Variants in SAMD4A observed in about 807,000 individuals in gnomAD.
SAMD4A encodes the protein protein Smaug homolog 1.
In SAMD4A, 33 loss-of-function variants were observed where a neutral mutation model predicts 81.3. The ratio of observed to expected loss-of-function variants is 0.41; its 90% CI spans 0.31 to 0.54. The LOEUF (loss-of-function observed/expected upper bound fraction) is 0.54. Among genes scored for constraint, SAMD4A ranks in the 20% least tolerant of loss-of-function variants. The pLI is 0.37. For synonymous variants in SAMD4A, 389 were observed against 382.1 expected (o/e 1.02, Z -0.21); for missense variants, 854 against 951.1 (o/e 0.90, Z 1.34).
At chr14:54,646,930 TC>T (rs1246817360) in intron 2 of SAMD4A, among the ~76,000 whole-genome samples, 2 of 152,188 alleles carry the variant, frequency 1.3e-5, no homozygotes, top group African/African-American at 4.8e-5. Flanking sequence ...GGTTCCACTA[TC>T]CCTGAGACAA....
chr14:54,704,121 C>A (rs1215405074), intron 3 of SAMD4A, among the ~76,000 whole-genome samples: 1 of 152,148 alleles, frequency 6.6e-6, no homozygotes, highest in East Asian at 1.9e-4. Flanking sequence ...TTAACTTGCA[C>A]ATTATGGGAA....
chr14:54,686,123 A>C (rs555303971), intron 2 of SAMD4A, among the ~76,000 whole-genome samples: 110 of 152,332 alleles, frequency 7.2e-4, no homozygotes, highest in Non-Finnish European at 1.4e-3. Flanking sequence ...TCTGCCTAGA[A>C]AGAAGGGATG....
chr14:54,710,762 C>A (rs2140802484), intron 3 of SAMD4A, among the ~76,000 whole-genome samples: 1 of 152,286 alleles, frequency 6.6e-6, no homozygotes, highest in East Asian at 1.9e-4. Context: ...CAGCTCTTAG[C>A]ATTTTGTGTC....
intron 2 of SAMD4A, among the ~76,000 whole-genome samples, chr14:54,595,934 T>C (rs931769298): frequency 1.3e-5 from 2 of 152,190 alleles, no homozygotes; most frequent in African/African-American, 2.4e-5. Flanking sequence ...GATTTGGAAA[T>C]TAGAGTTCAT....
At chr14:54,602,544 GC>G (rs1281192618) in intron 2 of SAMD4A, among the ~76,000 whole-genome samples, 1 of 152,092 alleles carries the variant, frequency 6.6e-6, no homozygotes, top group Non-Finnish European at 1.5e-5. Flanking sequence ...GACATGAGTA[GC>G]CCCATGGACA....
At chr14:54,771,046 G>A (rs189335995) in intron 9 of SAMD4A, among the ~76,000 whole-genome samples, 19 of 152,264 alleles carry the variant, frequency 1.2e-4, no homozygotes, top group African/African-American at 3.9e-4. Flanking sequence ...CTCGGTGCAT[G>A]TATAGAAGCT....
chr14:54,611,559 T>C (rs1303660172), intron 2 of SAMD4A, among the ~76,000 whole-genome samples: 1 of 152,190 alleles, frequency 6.6e-6, no homozygotes, highest in South Asian at 2.1e-4. Context: ...ACTGTTTCTA[T>C]CAAACACTGA....
chr14:54,572,337 C>T (rs933703228), intron 2 of SAMD4A, among the ~76,000 whole-genome samples: 20 of 151,896 alleles, frequency 1.3e-4, no homozygotes, highest in Admixed American at 9.2e-4. Context: ...TCCTGAGGGG[C>T]GAATAGGAGT....
intron 4 of SAMD4A, among the ~76,000 whole-genome samples, chr14:54,740,981 A>AGTGGG (rs1293190087): frequency 6.6e-5 from 10 of 152,258 alleles, no homozygotes; most frequent in African/African-American, 2.4e-4. Context: ...ACCCAAGAGA[A>AGTGGG]GTGGGAAACA....
chr14:54,596,452 G>A (rs1258159326), intron 2 of SAMD4A, among the ~76,000 whole-genome samples: 1 of 152,166 alleles, frequency 6.6e-6, no homozygotes, highest in East Asian at 1.9e-4. Flanking sequence ...AGGCATGGTG[G>A]TGCGTGCCTG....
intron 2 of SAMD4A, among the ~76,000 whole-genome samples, chr14:54,590,374 G>T (rs187318226): frequency 1.3e-5 from 2 of 152,024 alleles, no homozygotes; most frequent in African/African-American, 2.4e-5. Context: ...GCCTGTAGCC[G>T]CAGCTACTTG....
chr14:54,761,881 C>T (rs2038407850), intron 7 of SAMD4A, among the ~76,000 whole-genome samples: 1 of 152,188 alleles, frequency 6.6e-6, no homozygotes, highest in South Asian at 2.1e-4. Flanking sequence ...TAGCCCAGTT[C>T]ACACTAGATT....
intron 2 of SAMD4A, among the ~76,000 whole-genome samples, chr14:54,674,984 T>C (rs2035959814): frequency 6.6e-6 from 1 of 152,138 alleles, no homozygotes; most frequent in African/African-American, 2.4e-5. Flanking sequence ...AGCTCCCAGG[T>C]TCAAACGATC....
At chr14:54,767,183 A>T (rs183536575) in intron 8 of SAMD4A, among the ~76,000 whole-genome samples, 55 of 152,312 alleles carry the variant, frequency 3.6e-4, no homozygotes, top group African/African-American at 1.3e-3. Context: ...GCCTCCGGTT[A>T]TTCTGTGTGG....
At chr14:54,768,924 T>C (rs1240455562) in intron 8 of SAMD4A, among the ~76,000 whole-genome samples, 1 of 152,226 alleles carries the variant, frequency 6.6e-6, no homozygotes, top group Non-Finnish European at 1.5e-5. Context: ...TCATTTTTTT[T>C]CTCCATTTAA....
At chr14:54,600,893 G>A (rs2034035659) in intron 2 of SAMD4A, among the ~76,000 whole-genome samples, 1 of 152,198 alleles carries the variant, frequency 6.6e-6, no homozygotes, top group Non-Finnish European at 1.5e-5. Flanking sequence ...ATTAGCACCA[G>A]CAAACAGCAT....
Position 54,706,117 on chromosome 14 carries a change from G to A in SAMD4A, c.715+3537G>A, listed in dbSNP as rs149315397. ...AATCCCAACACTTTGGGAGGCCAAC[G>A]TGGGAGGATTGCTTGAGGCCAGAAA... is the stretch of plus-strand genomic sequence containing the variant. On this transcript the variant is annotated intron_variant, in intron 3 of 12. Transcript: ENST00000554335. Among the ~76,000 whole-genome samples the A allele has an allele frequency of 4.9e-3, 750 of 152,116 alleles. 13 individuals are homozygous for A. Among genetic ancestry groups the A allele is most frequent in the African/African-American group, 0.017 (706 of 41,486 alleles).
intron 2 of SAMD4A, among the ~76,000 whole-genome samples, chr14:54,580,083 C>T (rs2033420638): frequency 2.0e-5 from 3 of 152,134 alleles, no homozygotes; most frequent in Admixed American, 2.0e-4. Flanking sequence ...ATACTGCAGC[C>T]CCTTTGTTGA....
chr14:54,770,912 T>C (rs937565390), intron 9 of SAMD4A, among the ~76,000 whole-genome samples: 1 of 152,190 alleles, frequency 6.6e-6, no homozygotes, highest in East Asian at 1.9e-4. Context: ...GATAGGGAAT[T>C]GTTGGGACAT....
Sources: gnomAD v4.1 joint callset for allele counts (sites outside exome capture counted in the v4.1 genomes callset) on GRCh38, gnomAD v4.1.1 for gene constraint, MANE v1.5 for transcripts, NCBI Gene and HGNC (gene_info 2026-07-23, HGNC 2026-07-21) for gene names.